Variants in STK3 observed in about 807,000 individuals in gnomAD.
STK3 encodes serine/threonine kinase 3.
In STK3, 41 loss-of-function variants were observed where a neutral mutation model predicts 58.0. The ratio of observed to expected loss-of-function variants is 0.71; its 90% CI spans 0.55 to 0.92. STK3 has a LOEUF of 0.92. STK3 is among the 40% of genes least tolerant of loss of function. The pLI, the probability that STK3 is intolerant of heterozygous loss-of-function variation, is 0.00. For missense variants in STK3, 479 were observed against 602.7 expected, an observed-to-expected ratio of 0.79 and a Z score of 2.15; for synonymous variants, 170 against 191.0, an observed-to-expected ratio of 0.89 and a Z score of 0.91.
chr8:98,859,822 A>T (rs1027732336), intron 3 of STK3, among the ~76,000 whole-genome samples: 1 of 152,244 alleles, frequency 6.6e-6, no homozygotes, highest in Non-Finnish European at 1.5e-5. Context: ...AGTCACCAGA[A>T]AATGGAAGGA....
At chr8:98,743,475 G>C (rs1179516367) in intron 4 of STK3, among the ~76,000 whole-genome samples, 2 of 152,132 alleles carry the variant, frequency 1.3e-5, no homozygotes, top group Non-Finnish European at 2.9e-5. Context: ...AGAAAAACAA[G>C]CAATGGGGAA....
chr8:98,874,315 T>A (rs190503298), intron 3 of STK3, among the ~76,000 whole-genome samples: 72 of 152,352 alleles, frequency 4.7e-4, no homozygotes, highest in African/African-American at 1.6e-3. Context: ...CTGACAATTA[T>A]GTGTCTTGGA....
intron 4 of STK3, among the ~76,000 whole-genome samples, chr8:98,745,033 A>G (rs569066322): frequency 6.6e-6 from 1 of 152,336 alleles, no homozygotes; most frequent in Non-Finnish European, 1.5e-5. Flanking sequence ...CAAAACCACC[A>G]TAATGACAGG....
chr8:98,794,993 G>A (rs1404170622), intron 1 of STK3, among the ~76,000 whole-genome samples: 3 of 147,916 alleles, frequency 2.0e-5, no homozygotes, highest in African/African-American at 7.5e-5. Context: ...GCTTGAACCC[G>A]GGAGGCAGGG....
chr8:98,699,986 G>C (rs2131021971), intron 6 of STK3, among the ~76,000 whole-genome samples: 1 of 152,356 alleles, frequency 6.6e-6, no homozygotes, highest in East Asian at 1.9e-4. Flanking sequence ...TACAGAGGCA[G>C]GCAGGCCTCC....
chr8:98,441,416 C>G (rs1818690832), intron 1 of STK3, among the ~76,000 whole-genome samples: 2 of 152,176 alleles, frequency 1.3e-5, no homozygotes, highest in Non-Finnish European at 2.9e-5. Context: ...GTTTATTTAG[C>G]CACCTCCTTC....
chr8:98,701,564 C>T (rs1318347533), intron 6 of STK3, among the ~76,000 whole-genome samples: 1 of 151,606 alleles, frequency 6.6e-6, no homozygotes, highest in Non-Finnish European at 1.5e-5. Flanking sequence ...GCAGAGGTTG[C>T]AGCAAGCCAA....
intron 7 of STK3, among the ~76,000 whole-genome samples, chr8:98,587,161 G>A (rs927225320): frequency 2.0e-5 from 3 of 151,944 alleles, no homozygotes; most frequent in African/African-American, 7.3e-5. Flanking sequence ...GTTTGCTCTG[G>A]CTTTTCTAGT....
chr8:98,841,811 C>A (rs977339153), intron 3 of STK3, among the ~76,000 whole-genome samples: 1 of 151,790 alleles, frequency 6.6e-6, no homozygotes, highest in African/African-American at 2.4e-5. Flanking sequence ...TTGTCTACTG[C>A]AGACTATAAG....
At chr8:98,769,575 C>T (rs1186477521) in intron 2 of STK3, among the ~76,000 whole-genome samples, 1 of 152,176 alleles carries the variant, frequency 6.6e-6, no homozygotes, top group African/African-American at 2.4e-5. Flanking sequence ...TCTTTACCAA[C>T]AGTGTGAAAA....
intron 1 of STK3, among the ~76,000 whole-genome samples, chr8:98,799,018 C>T (rs1011163009): frequency 2.5e-4 from 38 of 152,144 alleles, no homozygotes; most frequent in Non-Finnish European, 5.0e-4. Flanking sequence ...GCAGCTTGAT[C>T]TTGGACTTCC....
At chr8:98,766,851 G>A (rs183022484) in intron 3 of STK3, among the ~76,000 whole-genome samples, 1 of 152,172 alleles carries the variant, frequency 6.6e-6, no homozygotes, top group Admixed American at 6.5e-5. Flanking sequence ...GGCCAGGCAT[G>A]GTAGCTCACG....
chr8:98,402,412 A>C (rs1334042440), intron 3 of STK3, among the ~76,000 whole-genome samples: 1 of 152,160 alleles, frequency 6.6e-6, no homozygotes. Flanking sequence ...AAGGGATCGG[A>C]GCTCCCTGGA....
At chr8:98,517,142 C>A (rs1339159767) in intron 10 of STK3, among the ~76,000 whole-genome samples, 1 of 152,060 alleles carries the variant, frequency 6.6e-6, no homozygotes, top group Non-Finnish European at 1.5e-5. Flanking sequence ...ATACTTTCAT[C>A]TGCTATGAGA....
chr8:98,608,628 T>G (rs1816945412), intron 6 of STK3, among the ~76,000 whole-genome samples: 1 of 152,274 alleles, frequency 6.6e-6, no homozygotes, highest in East Asian at 1.9e-4. Flanking sequence ...TCACAAGACA[T>G]CAAAAGAGCA....
At chr8:98,912,679 A>T (rs989251388) in intron 1 of STK3, among the ~76,000 whole-genome samples, 1 of 152,142 alleles carries the variant, frequency 6.6e-6, no homozygotes, top group African/African-American at 2.4e-5. Flanking sequence ...CTTATGCCCA[A>T]ACACCAGAGG....
At chr8:98,825,452 C>A in intron 1 of STK3, 63 bp downstream of exon 1, 1 of 1,410,878 alleles carries the variant, frequency 7.1e-7, no homozygotes, top group Non-Finnish European at 9.3e-7. Flanking sequence ...CCTGGCCTAG[C>A]CACCCCCGCC....
rs1215919451 is a variant in STK3, at chr8:98,652,739, C to G, written c.684+53728G>C. 2.0e-5 allele frequency among the ~76,000 whole-genome samples: 3 copies of G among 149,344 alleles called. No individual in the cohort carries two copies. In the East Asian group the frequency reaches 5.8e-4, roughly 29 times the overall value. ...AAAGATTAAAAGAGACAAAGAAGGC[C>G]ATTACATAATGGTAAAGGGATCAAT... On this transcript the variant is annotated intron_variant, in intron 6 of 10. Coordinates refer to ENST00000419617, the MANE Select transcript of STK3 (RefSeq NM_006281.4).
intron 6 of STK3, among the ~76,000 whole-genome samples, chr8:98,673,519 C>A (rs1355540673): frequency 6.6e-6 from 1 of 151,660 alleles, no homozygotes; most frequent in Non-Finnish European, 1.5e-5. Context: ...ACAAAAGTCA[C>A]ATATTGCATG....
Sources: gnomAD v4.1 joint callset for allele counts (sites outside exome capture counted in the v4.1 genomes callset) on GRCh38, gnomAD v4.1.1 for gene constraint, MANE v1.5 for transcripts, NCBI Gene and HGNC (gene_info 2026-07-23, HGNC 2026-07-21) for gene names.